Variants in SLF1 observed in about 807,000 individuals in gnomAD.
SLF1 encodes the protein SMC5/6 complex localization factor 1.
SLF1 carries 105 observed loss-of-function variants against 123.0 expected under a neutral mutation model. That is an observed-to-expected ratio of 0.85 (90% CI 0.73 to 1.00). The LOEUF is 1.00. Among genes scored for constraint, SLF1 ranks in the 50% least tolerant of loss-of-function variants. The probability of loss-of-function intolerance (pLI) is 0.00; values close to 1 mark genes in which losing one functional copy is unlikely to be tolerated. For synonymous variants in SLF1, 434 were observed against 406.6 expected (o/e 1.07, Z -0.81); for missense variants, 1,239 against 1,223.0 (o/e 1.01, Z -0.20).
intron 7 of SLF1, among the ~76,000 whole-genome samples, chr5:94,652,051 A>T: frequency 6.7e-6 from 1 of 148,654 alleles, no homozygotes. Flanking sequence ...CTCTGTTACC[A>T]GGCTGGAATG....
chr5:94,656,338 A>G (rs1384834735), intron 9 of SLF1, among the ~76,000 whole-genome samples: 12 of 151,808 alleles, frequency 7.9e-5, no homozygotes, highest in Non-Finnish European at 1.6e-4. Context: ...ACTATGATCA[A>G]TACACTTGAT....
At chr5:94,624,189 T>G (rs1201829371) in intron 1 of SLF1, among the ~76,000 whole-genome samples, 1 of 152,216 alleles carries the variant, frequency 6.6e-6, no homozygotes, top group Non-Finnish European at 1.5e-5. Context: ...ATGGATAATG[T>G]TTGAATCAGG....
Position 94,667,231 on chromosome 5 carries a change from C to T in SLF1, c.1532+1207C>T, listed in dbSNP as rs1008506592. Among the ~76,000 whole-genome samples the T allele has an allele frequency of 2.0e-5, 3 of 152,192 alleles. No individual in the cohort carries two copies. The East Asian group carries it at 5.8e-4, about 29-fold the overall frequency. The stretch of plus-strand genomic sequence containing the variant: ...TAAAAAGATGATTTAAATAACAGTT[C>T]CTGCACTTTGAAAGTGACTGAGATG... On this transcript the variant is annotated intron_variant, in intron 12 of 20. Coordinates refer to ENST00000265140, the MANE Select transcript of SLF1 (RefSeq NM_032290.4).
Position 94,627,600 on chromosome 5 carries a change from A to ATATATG in SLF1, c.1-1206_1-1205insGTATAT, listed in dbSNP as rs1554061277. ...ATGAAATTAACATATATATATATAT[A>ATATATG]TATATATATATATATATATAGCAAA... On this transcript the variant is annotated intron_variant, in intron 1 of 20. Coordinates refer to ENST00000265140, the MANE Select transcript of SLF1 (RefSeq NM_032290.4). 3.9e-3 allele frequency among the ~76,000 whole-genome samples: 485 copies of ATATATG among 125,834 alleles called. 10 individuals are homozygous for ATATATG. Among genetic ancestry groups the ATATATG allele is most frequent in the African/African-American group, 0.014 (466 of 33,352 alleles). The allele number at this position is 125,834 out of a possible 152,430, so 82.6% of individuals were successfully genotyped here.
Position 94,649,601 on chromosome 5 carries a change from A to G in SLF1, c.738+4A>G. 2 of 1,461,278 alleles carry G rather than the reference A, an allele frequency of 1.4e-6. No homozygotes were observed. Among genetic ancestry groups the G allele is most frequent in the Non-Finnish European group, 1.8e-6 (2 of 1,089,896 alleles). The allele number at this position is 1,461,278 out of a possible 1,614,324, so 90.5% of individuals were successfully genotyped here. A position where few individuals can be genotyped will look rare whatever the true frequency, so the allele number is the denominator to read the frequency against. On this transcript the variant is annotated splice_donor_region_variant and intron_variant, in intron 6 of 20. Coordinates refer to ENST00000265140, the MANE Select transcript of SLF1 (RefSeq NM_032290.4). Reference sequence around the variant, plus strand: ...AGAGACCATGTATAGAACCCAGGTAAACTTTATAGGCTGAAAAACATACAT... The same window carrying G: ...AGAGACCATGTATAGAACCCAGGTAGACTTTATAGGCTGAAAAACATACAT...
intron 15 of SLF1, among the ~76,000 whole-genome samples, chr5:94,683,300 G>C (rs1387294700): frequency 6.6e-6 from 1 of 151,944 alleles, no homozygotes; most frequent in Non-Finnish European, 1.5e-5. Context: ...AAATGTTTCT[G>C]TTCTCTTCGT....
In SLF1 at chr5:94,638,271, C is replaced by T. The variant is rs562095961; in HGVS notation, c.432-5002C>T. On this transcript the variant is annotated intron_variant, in intron 4 of 20. Transcript: ENST00000265140. ...TCAGCTCACTGCAACCTCCACCTCC[C>T]GGGTTCACGCCATTCTCTTGCCTCA... Among the ~76,000 whole-genome samples, 13 of 152,206 alleles carry T rather than the reference C, an allele frequency of 8.5e-5. No individual in the cohort carries two copies. In the South Asian group the frequency reaches 1.0e-3, roughly 12 times the overall value.
In SLF1 at chr5:94,681,057, A is replaced by G. The variant is rs143094819; in HGVS notation, c.1975+2102A>G. On this transcript the variant is annotated intron_variant, in intron 15 of 20. Coordinates refer to ENST00000265140, the MANE Select transcript of SLF1 (RefSeq NM_032290.4). The stretch of plus-strand genomic sequence containing the variant: ...TCAAAATGTACACGTGTGCATGTGC[A>G]CACACACGCAGTTGGTTGCTTAGGC... Among the ~76,000 whole-genome samples the G allele has an allele frequency of 3.0e-3, 450 of 152,288 alleles. 10 individuals carry two copies. Among genetic ancestry groups the G allele is most frequent in the Admixed American group, 0.022 (341 of 15,288 alleles).
At chr5:94,652,030 A>G (rs1561442684) in intron 7 of SLF1, among the ~76,000 whole-genome samples, 185 bp downstream of exon 7, 1 of 106,442 alleles carries the variant, frequency 9.4e-6, no homozygotes, top group African/African-American at 3.4e-5. Flanking sequence ...TTTTTTTGAG[A>G]TGGAGTCTTG....
intron 6 of SLF1, 64 bp from the exon 7 acceptor site, chr5:94,651,638 G>T: frequency 7.6e-7 from 1 of 1,315,832 alleles, no homozygotes; most frequent in Non-Finnish European, 1.0e-6. Context: ...TGTGACTTGT[G>T]TTGATTGTGT....
chr5:94,643,426 T>C lies in SLF1; in HGVS notation c.585T>C (p.Phe195=), dbSNP rs1385509564. ...ATCCAATTCAGTATCTAGGGGATTT[T>C]CTTTTAGAGGTAAGTAAAATAAATA... ...PFYPIQYLGD[F]LLEKEIQNDE... The change falls in exon 5 of 21, where the codon TTT becomes TTC. Residue 195 remains phenylalanine, a synonymous_variant. Coordinates refer to ENST00000265140, the MANE Select transcript of SLF1 (RefSeq NM_032290.4). 2 of 1,467,822 alleles carry C rather than the reference T, an allele frequency of 1.4e-6. No individual in the cohort carries two copies. Among genetic ancestry groups the C allele is most frequent in the South Asian group, 2.8e-5 (2 of 71,300 alleles). The allele number at this position is 1,467,822 out of a possible 1,614,324, so 90.9% of individuals were successfully genotyped here.
At chr5:94,654,788 C>A in intron 9 of SLF1, 36 bp downstream of exon 9, 1 of 1,441,146 alleles carries the variant, frequency 6.9e-7, no homozygotes, top group Non-Finnish European at 9.2e-7. Context: ...TGTATAATAT[C>A]GTGTCTTACT....
intron 9 of SLF1, among the ~76,000 whole-genome samples, chr5:94,657,699 A>G (rs1468234784): frequency 2.6e-5 from 4 of 151,998 alleles, no homozygotes; most frequent in Non-Finnish European, 5.9e-5. Context: ...AGGTGCTCCA[A>G]GATCTGGATT....
chr5:94,665,881 T>C lies in SLF1; in HGVS notation c.1389T>C (p.Ser463=). ...AATAGGATAACATAGATACATTTTC[T>C]GGTCGATACTTTCATATATTGTCAG... ...NVLQDNIDTF[S]GRYFHILSAL... is the part of the protein sequence containing the mutation. The change falls in exon 12 of 21, where the codon TCT becomes TCC. Residue 463 remains serine (S), a synonymous_variant. Coordinates refer to ENST00000265140, the MANE Select transcript of SLF1 (RefSeq NM_032290.4). 1 of 1,546,710 alleles carries C rather than the reference T, an allele frequency of 6.5e-7. No homozygotes were observed. Among genetic ancestry groups the C allele is most frequent in the South Asian group, 1.2e-5 (1 of 83,838 alleles).
chr5:94,664,667 T>G (rs953838739), intron 11 of SLF1, among the ~76,000 whole-genome samples: 3 of 143,598 alleles, frequency 2.1e-5, no homozygotes, highest in Non-Finnish European at 4.6e-5. Context: ...ATGAATAGTT[T>G]GTTACTTTTA....
intron 9 of SLF1, among the ~76,000 whole-genome samples, chr5:94,659,255 G>T (rs1268492190): frequency 6.6e-6 from 1 of 151,320 alleles, no homozygotes; most frequent in Non-Finnish European, 1.5e-5. Flanking sequence ...TGCTTACCTT[G>T]TATTGTTCAT....
intron 1 of SLF1, among the ~76,000 whole-genome samples, chr5:94,621,195 A>G (rs1250693367): frequency 6.6e-6 from 1 of 152,152 alleles, no homozygotes; most frequent in Non-Finnish European, 1.5e-5. Context: ...TGAAATTATA[A>G]TGTGGTTAAA....
At position 94,663,774 on chromosome 5, in the gene SLF1, G is replaced by C. The variant is rs1044621314; in HGVS notation, c.1234G>C (p.Gly412Arg). 1 of 1,542,672 alleles carries C rather than the reference G, an allele frequency of 6.5e-7. No individual in the cohort carries two copies. Among genetic ancestry groups the C allele is most frequent in the African/African-American group, 1.4e-5 (1 of 72,666 alleles). Residue 412 changes from glycine to arginine, a missense_variant, in exon 11 of 21, where the codon GGT becomes CGT. By Grantham distance (125) the Gly-to-Arg change is moderately radical. Coordinates refer to ENST00000265140, the MANE Select transcript of SLF1 (RefSeq NM_032290.4). ...VEVKNAEFPR[G>R]VLNLIESLIE... is the part of the protein sequence containing the mutation. Reference sequence around the variant, plus strand: ...GGTTAAAAATGCTGAATTTCCCAGAGGTGTATTAAATTTAATTGAAAGCCT... The same window carrying C: ...GGTTAAAAATGCTGAATTTCCCAGACGTGTATTAAATTTAATTGAAAGCCT...
Position 94,625,378 on chromosome 5 carries a change from A to G in SLF1, c.1-3433A>G, listed in dbSNP as rs143415552. On this transcript the variant is annotated intron_variant, in intron 1 of 20. Coordinates refer to ENST00000265140, the MANE Select transcript of SLF1 (RefSeq NM_032290.4). The stretch of plus-strand genomic sequence containing the variant: ...CCTATCATTTTCTTTTTATTTTTTA[A>G]TTTTATTTATTTATTTATTTTTTGA... Among the ~76,000 whole-genome samples the G allele has an allele frequency of 2.0e-3, 298 of 151,304 alleles. 9 individuals are homozygous for G. In the East Asian group the frequency reaches 0.051, roughly 26 times the overall value.
Sources: gnomAD v4.1 joint callset for allele counts (sites outside exome capture counted in the v4.1 genomes callset) on GRCh38, gnomAD v4.1.1 for gene constraint, MANE v1.5 for transcripts, NCBI Gene and HGNC (gene_info 2026-07-23, HGNC 2026-07-21) for gene names.